Variants in GLYATL2 observed in about 807,000 individuals in gnomAD.
GLYATL2 encodes the protein glycine N-acyltransferase-like protein 2.
A neutral mutation model predicts 21.4 loss-of-function variants in GLYATL2; 25 were observed. The observed-to-expected ratio is 1.17, with a 90% CI of 0.85 to 1.63. The LOEUF is 1.63. Ranked by LOEUF, GLYATL2 falls within the 40% of genes most tolerant of loss-of-function variation. GLYATL2 has a pLI of 0.00. For synonymous variants in GLYATL2, 114 were observed against 118.2 expected, an observed-to-expected ratio of 0.96 and a Z score of 0.23; for missense variants, 361 against 343.3, an observed-to-expected ratio of 1.05 and a Z score of -0.41.
At chr11:58,875,477 C>T (rs1417217987) in intron 1 of GLYATL2, among the ~76,000 whole-genome samples, 2 of 152,176 alleles carry the variant, frequency 1.3e-5, no homozygotes, top group Non-Finnish European at 2.9e-5. Context: ...TCTTTTAGGG[C>T]AGGCCTGGTG....
chr11:58,864,606 T>C (rs1853992031), intron 1 of GLYATL2, among the ~76,000 whole-genome samples: 2 of 149,378 alleles, frequency 1.3e-5, no homozygotes, highest in Admixed American at 1.4e-4. Flanking sequence ...CTCTGGTACC[T>C]GGTTCCATGC....
intron 1 of GLYATL2, among the ~76,000 whole-genome samples, chr11:58,841,244 C>A (rs1853546387): frequency 6.6e-6 from 1 of 152,024 alleles, no homozygotes; most frequent in Non-Finnish European, 1.5e-5. Flanking sequence ...AAGTGTATAG[C>A]CATAATCAAT....
chr11:58,898,775 G>A (rs1482456778), intron 1 of GLYATL2, among the ~76,000 whole-genome samples: 1 of 152,086 alleles, frequency 6.6e-6, no homozygotes, highest in Non-Finnish European at 1.5e-5. Flanking sequence ...GGAGCTTGCA[G>A]TGAGCCGAGA....
upstream of GLYATL2, chr11:58,908,047 T>A (rs1033670404): frequency 2.6e-5 from 4 of 152,608 alleles, no homozygotes; most frequent in Non-Finnish European, 5.9e-5. Context: ...ACTCATGCAT[T>A]GACCAAGCTG....
intron 1 of GLYATL2, among the ~76,000 whole-genome samples, chr11:58,850,603 G>A (rs11229664): frequency 0.23 from 35,038 of 151,982 alleles, 4,418 homozygotes; most frequent in East Asian, 0.33. Flanking sequence ...CCTCTGTCAT[G>A]CCCAGACAGG....
At chr11:58,856,407 T>C (rs1853828308) in intron 1 of GLYATL2, among the ~76,000 whole-genome samples, 1 of 152,244 alleles carries the variant, frequency 6.6e-6, no homozygotes, top group African/African-American at 2.4e-5. Flanking sequence ...TTAGCACTTT[T>C]AATTTCCTTC....
At chr11:58,850,215 G>T (rs537199421) in intron 1 of GLYATL2, among the ~76,000 whole-genome samples, 3 of 152,264 alleles carry the variant, frequency 2.0e-5, no homozygotes, top group African/African-American at 7.2e-5. Flanking sequence ...GATACTAGCT[G>T]TAGGTCTGTC....
At chr11:58,851,465 T>C (rs1853740175) in intron 1 of GLYATL2, among the ~76,000 whole-genome samples, 1 of 152,270 alleles carries the variant, frequency 6.6e-6, no homozygotes, top group Non-Finnish European at 1.5e-5. Context: ...ATAATCTTTC[T>C]AATGTTATTG....
intron 1 of GLYATL2, among the ~76,000 whole-genome samples, chr11:58,888,913 C>A (rs1854490128): frequency 6.6e-6 from 1 of 151,946 alleles, no homozygotes; most frequent in Non-Finnish European, 1.5e-5. Flanking sequence ...CCACCAACTA[C>A]CCCAACTAAC....
chr11:58,874,755 T>G lies in GLYATL2; in HGVS notation n.60+29401A>C, dbSNP rs191622709. 9.2e-5 allele frequency among the ~76,000 whole-genome samples: 14 copies of G among 152,328 alleles called. No homozygotes were observed. In the East Asian group the frequency reaches 2.7e-3, roughly 29 times the overall value. ...AGTTGTAGTGTGGTGCTGAAAAGAA[T>G]GTATATTCTGTTGATTTTGGATGGA... On this transcript the variant is annotated intron_variant and non_coding_transcript_variant, in intron 1 of 4. Coordinates refer to the GLYATL2 transcript ENST00000533636.
At chr11:58,875,453 C>G (rs1314144258) in intron 1 of GLYATL2, among the ~76,000 whole-genome samples, 1 of 152,138 alleles carries the variant, frequency 6.6e-6, no homozygotes, top group Admixed American at 6.5e-5. Flanking sequence ...ATGTTTAGTG[C>G]TTCCTTCAGG....
At chr11:58,838,639 C>A (rs1242911443) in intron 2 of GLYATL2, among the ~76,000 whole-genome samples, 1 of 152,022 alleles carries the variant, frequency 6.6e-6, no homozygotes, top group Non-Finnish European at 1.5e-5. Context: ...AAAATTCATG[C>A]CATTTTCTCA....
At chr11:58,888,808 A>AT (rs1854488461) in intron 1 of GLYATL2, among the ~76,000 whole-genome samples, 1 of 151,896 alleles carries the variant, frequency 6.6e-6, no homozygotes, top group South Asian at 2.1e-4. Context: ...CAATGTACAC[A>AT]ATTGCATAAT....
Position 58,837,178 on chromosome 11 carries a change from C to G in GLYATL2, c.314-1G>C. ...GCTTCATCCAAGCCCTCTTGGCAACCTGGAGAAAGGAGAAAGACAAGTACC... is the reference window on the plus strand; with the variant it reads ...GCTTCATCCAAGCCCTCTTGGCAACGTGGAGAAAGGAGAAAGACAAGTACC... On this transcript the variant is annotated splice_acceptor_variant, in intron 4 of 5. Transcript: ENST00000287275. LOFTEE classifies it high-confidence loss of function. 6.2e-7 allele frequency: 1 copy of G among 1,613,430 alleles called. No individual in the cohort carries two copies. Among genetic ancestry groups the G allele is most frequent in the South Asian group, 1.1e-5 (1 of 90,910 alleles).
intron 1 of GLYATL2, among the ~76,000 whole-genome samples, chr11:58,859,054 A>G (rs534321335): frequency 1.3e-5 from 2 of 152,166 alleles, no homozygotes; most frequent in Non-Finnish European, 2.9e-5. Flanking sequence ...CTTCCTGTGT[A>G]GGGGTGGAAG....
At chr11:58,905,698 G>T (rs1055582562), upstream of GLYATL2, 1 of 448,502 alleles carries the variant, frequency 2.2e-6, no homozygotes, top group African/African-American at 2.0e-5. Context: ...GTGGTTCGGG[G>T]GAGGGGATCG....
chr11:58,877,202 T>C (rs1161399613), intron 1 of GLYATL2, among the ~76,000 whole-genome samples: 3 of 152,224 alleles, frequency 2.0e-5, no homozygotes, highest in African/African-American at 7.2e-5. Context: ...TTTCTTTGAC[T>C]AGGAACGGGA....
At chr11:58,836,904 A>T in intron 5 of GLYATL2, 111 bp downstream of exon 5, 1 of 921,632 alleles carries the variant, frequency 1.1e-6, no homozygotes, top group Non-Finnish European at 1.7e-6. Flanking sequence ...TACCCATGCA[A>T]TTGTGTAGCC....
chr11:58,908,525 G>A (rs1055396644), upstream of GLYATL2: 1 of 212,920 alleles, frequency 4.7e-6, no homozygotes, highest in Admixed American at 4.2e-5. Flanking sequence ...GATGACCAGA[G>A]GGCTAGACCT....
Sources: allele counts gnomAD v4.1 joint callset (sites outside exome capture counted in the v4.1 genomes callset), GRCh38; gene constraint gnomAD v4.1.1; transcripts MANE v1.5; gene names NCBI Gene and HGNC (gene_info 2026-07-23, HGNC 2026-07-21).